Variants in SLC35F3 observed in about 807,000 individuals in gnomAD.
SLC35F3 encodes the protein putative thiamine transporter SLC35F3.
A neutral mutation model predicts 49.9 loss-of-function variants in SLC35F3; 25 were observed. The ratio of observed to expected loss-of-function variants is 0.50; its 90% CI spans 0.37 to 0.70. The LOEUF (loss-of-function observed/expected upper bound fraction) is 0.70, where lower values mean the gene tolerates loss of function less well. Ranked by LOEUF, SLC35F3 falls within the 30% of genes least tolerant of loss-of-function variation. The pLI, the probability that SLC35F3 is intolerant of heterozygous loss-of-function variation, is 0.00. For synonymous variants in SLC35F3, 275 were observed against 265.4 expected, an observed-to-expected ratio of 1.04 and a Z score of -0.35; for missense variants, 525 against 639.8, an observed-to-expected ratio of 0.82 and a Z score of 1.94.
chr1:234,129,075 A>G (rs1023532230), intron 2 of SLC35F3, among the ~76,000 whole-genome samples: 2 of 152,228 alleles, frequency 1.3e-5, no homozygotes, highest in Non-Finnish European at 2.9e-5. Flanking sequence ...GTTGGTTTGC[A>G]TTGATGTTTA....
intron 2 of SLC35F3, among the ~76,000 whole-genome samples, chr1:234,165,777 TG>T (rs1457459402): frequency 6.6e-6 from 1 of 152,156 alleles, no homozygotes; most frequent in Non-Finnish European, 1.5e-5. Context: ...TTTGTGGTGG[TG>T]AAGTCTGGGA....
intron 2 of SLC35F3, among the ~76,000 whole-genome samples, chr1:234,147,921 T>C (rs1198274582): frequency 1.3e-5 from 2 of 152,224 alleles, no homozygotes; most frequent in African/African-American, 4.8e-5. Flanking sequence ...GTGATGCAGA[T>C]GCTGTTGGTC....
At chr1:234,270,713 G>A (rs1473740578) in intron 3 of SLC35F3, among the ~76,000 whole-genome samples, 1 of 152,170 alleles carries the variant, frequency 6.6e-6, no homozygotes, top group East Asian at 1.9e-4. Flanking sequence ...GAGAGCAAAG[G>A]CTTTTTGCGA....
At chr1:234,245,688 G>T (rs567004717) in intron 3 of SLC35F3, among the ~76,000 whole-genome samples, 2 of 152,214 alleles carry the variant, frequency 1.3e-5, no homozygotes, top group Non-Finnish European at 2.9e-5. Context: ...CACATCTGTT[G>T]TCTTCCTCCA....
At chr1:234,023,726 C>T (rs775114239) in intron 2 of SLC35F3, among the ~76,000 whole-genome samples, 7 of 151,926 alleles carry the variant, frequency 4.6e-5, no homozygotes, top group Non-Finnish European at 5.9e-5. Flanking sequence ...TGGTAAGTCA[C>T]GCTGATAATA....
intron 2 of SLC35F3, among the ~76,000 whole-genome samples, chr1:234,025,884 T>C (rs55981128): frequency 0.33 from 49,434 of 151,884 alleles, 9,465 homozygotes; most frequent in Non-Finnish European, 0.45. Context: ...ATTTGCCAAA[T>C]TGATGTCCAG....
intron 2 of SLC35F3, among the ~76,000 whole-genome samples, chr1:234,189,797 G>A (rs1232672201): frequency 6.6e-6 from 1 of 152,164 alleles, no homozygotes; most frequent in African/African-American, 2.4e-5. Flanking sequence ...ACAAAGGAAA[G>A]AATCGTAAGA....
chr1:234,224,967 A>G (rs1409223150), intron 2 of SLC35F3, among the ~76,000 whole-genome samples: 2 of 152,180 alleles, frequency 1.3e-5, no homozygotes, highest in African/African-American at 2.4e-5. Context: ...TCTATAGATT[A>G]TGTTCTTTCC....
intron 3 of SLC35F3, among the ~76,000 whole-genome samples, chr1:234,268,221 G>A (rs1668032197): frequency 6.6e-6 from 1 of 152,222 alleles, no homozygotes; most frequent in Non-Finnish European, 1.5e-5. Context: ...GGGAGGCCGA[G>A]GCTGGCGGAT....
chr1:234,226,223 A>C (rs1667283299), intron 2 of SLC35F3, among the ~76,000 whole-genome samples: 1 of 152,186 alleles, frequency 6.6e-6, no homozygotes, highest in African/African-American at 2.4e-5. Flanking sequence ...ACTGAAATAG[A>C]TGTCAGTTGC....
intron 2 of SLC35F3, among the ~76,000 whole-genome samples, chr1:234,131,950 A>C (rs12058602): frequency 0.058 from 8,885 of 152,306 alleles, 392 homozygotes; most frequent in African/African-American, 0.11. Flanking sequence ...ATTCTAGACT[A>C]TGTATAAACT....
intron 2 of SLC35F3, among the ~76,000 whole-genome samples, chr1:234,129,583 A>G (rs2102897543): frequency 6.6e-6 from 1 of 152,344 alleles, no homozygotes; most frequent in South Asian, 2.1e-4. Context: ...AGATTGACAA[A>G]CAGATTCTGA....
intron 2 of SLC35F3, among the ~76,000 whole-genome samples, chr1:233,992,613 G>A (rs925055212): frequency 6.6e-6 from 1 of 152,160 alleles, no homozygotes; most frequent in Non-Finnish European, 1.5e-5. Flanking sequence ...TCTGTCCTAT[G>A]ACCCAAACAC....
chr1:234,003,284 T>G (rs112217588), intron 2 of SLC35F3, among the ~76,000 whole-genome samples: 1 of 152,200 alleles, frequency 6.6e-6, no homozygotes, highest in Non-Finnish European at 1.5e-5. Context: ...ACTGTCTCCA[T>G]ATCAGGACCT....
chr1:234,285,713 G>A (rs570931114), intron 3 of SLC35F3, among the ~76,000 whole-genome samples: 2 of 152,198 alleles, frequency 1.3e-5, no homozygotes, highest in South Asian at 2.1e-4. Context: ...GGCAGCTCAC[G>A]TTCTCTGAGG....
At chr1:234,274,524 A>G (rs945644554) in intron 3 of SLC35F3, 3 of 152,218 alleles carry the variant, frequency 2.0e-5, no homozygotes, top group African/African-American at 7.2e-5. Flanking sequence ...TCAATTGTCA[A>G]GTGGGATCCC....
At chr1:234,114,366 T>TAAA (rs1182190446) in intron 2 of SLC35F3, among the ~76,000 whole-genome samples, 1 of 152,254 alleles carries the variant, frequency 6.6e-6, no homozygotes, top group Non-Finnish European at 1.5e-5. Flanking sequence ...ATTGCTTGTT[T>TAAA]GGTCCTTCAA....
chr1:234,205,999 A>C (rs1185532114), intron 2 of SLC35F3, among the ~76,000 whole-genome samples: 2 of 152,110 alleles, frequency 1.3e-5, no homozygotes, highest in African/African-American at 2.4e-5. Context: ...GCTGTGGATG[A>C]GGAGGATGGT....
chr1:234,310,926 A>G (rs1455967041), intron 4 of SLC35F3, among the ~76,000 whole-genome samples: 2 of 152,130 alleles, frequency 1.3e-5, no homozygotes, highest in Admixed American at 6.6e-5. Flanking sequence ...CCCCCCACCC[A>G]AGAGTCATCC....
Sources: gnomAD v4.1 joint callset for allele counts (sites outside exome capture counted in the v4.1 genomes callset) on GRCh38, gnomAD v4.1.1 for gene constraint, MANE v1.5 for transcripts, NCBI Gene and HGNC (gene_info 2026-07-23, HGNC 2026-07-21) for gene names.